VPS36: variants seen among roughly 807,000 people sequenced by gnomAD.
The protein encoded by VPS36 is vacuolar protein-sorting-associated protein 36.
VPS36 carries 31 observed loss-of-function variants against 63.5 expected under a neutral mutation model. The observed-to-expected ratio is 0.49, with a 90% CI of 0.37 to 0.66. VPS36 has a LOEUF of 0.66. Among genes scored for constraint, VPS36 ranks in the 30% least tolerant of loss-of-function variants. VPS36 has a pLI of 0.00. For missense variants in VPS36, 338 were observed against 463.7 expected (o/e 0.73, Z 2.49); for synonymous variants, 138 against 157.2 (o/e 0.88, Z 0.91).
rs546887961 is a variant in VPS36, at chr13:52,415,655, C to T, written c.*175G>A. The T allele has an allele frequency of 1.5e-4, 102 of 661,226 alleles. No individual in the cohort carries two copies. The East Asian group carries it at 2.6e-3, about 17-fold the overall frequency. 41.0% of individuals were successfully genotyped at this position (661,226 alleles called of 1,614,324 possible). A position where few individuals can be genotyped will look rare whatever the true frequency, so the allele number is the denominator to read the frequency against. On this transcript the variant is annotated 3_prime_UTR_variant, in exon 14 of 14. Transcript: ENST00000378060. ...ATTCACTTTTCTGAATTTTCCTATG[C>T]GTATACTAAATAAATTTCCTGGACC... is the stretch of plus-strand genomic sequence containing the variant.
At chr13:52,415,976 CACAA>C (rs747924862) in intron 13 of VPS36, 37 bp downstream of exon 13, 7 of 1,612,578 alleles carry the variant, frequency 4.3e-6, no homozygotes, top group Non-Finnish European at 2.5e-6. Flanking sequence ...CATGCAGACA[CACAA>C]ACATACATTG....
rs1430500318 is a variant in VPS36 at position 52,415,829 on chromosome 13, C to T, written c.*1G>A. ...CAAAAAGGATTTTAAATACAAAACC[C>T]TTAGCTCTGTGTCATAAATAAATTT... On this transcript the variant is annotated 3_prime_UTR_variant, in exon 14 of 14. Coordinates refer to ENST00000378060, the MANE Select transcript of VPS36 (RefSeq NM_016075.4). 1 of 1,613,754 alleles carries T rather than the reference C, an allele frequency of 6.2e-7. No homozygotes were observed. Among genetic ancestry groups the T allele is most frequent in the Non-Finnish European group, 8.5e-7 (1 of 1,179,944 alleles).
At chr13:52,431,141 T>G (rs968358749) in intron 6 of VPS36, among the ~76,000 whole-genome samples, 2 of 151,572 alleles carry the variant, frequency 1.3e-5, no homozygotes, top group African/African-American at 4.8e-5. Context: ...CTTATAAAAC[T>G]AAGAGTCAAT....
At chr13:52,436,477 T>G (rs1186280403) in intron 3 of VPS36, 73 bp from the exon 4 acceptor site, 6 of 1,066,412 alleles carry the variant, frequency 5.6e-6, no homozygotes, top group Non-Finnish European at 5.5e-6. Context: ...TTTATAACTT[T>G]TTATGTATTT....
intron 10 of VPS36, among the ~76,000 whole-genome samples, chr13:52,418,628 AT>A (rs1445856997): frequency 2.0e-5 from 3 of 151,900 alleles, no homozygotes; most frequent in African/African-American, 7.2e-5. Context: ...CATGAAATTA[AT>A]TTTAATGCAT....
At chr13:52,423,046 C>T (rs576590983) in intron 10 of VPS36, among the ~76,000 whole-genome samples, 3 of 152,156 alleles carry the variant, frequency 2.0e-5, no homozygotes, top group African/African-American at 7.2e-5. Flanking sequence ...CCACCATCCA[C>T]GTAAGATGTG....
At chr13:52,448,664 T>C (rs1266389324) in intron 1 of VPS36, among the ~76,000 whole-genome samples, 1 of 152,262 alleles carries the variant, frequency 6.6e-6, no homozygotes, top group Non-Finnish European at 1.5e-5. Flanking sequence ...GCTTCAACAA[T>C]GTATCTTTCA....
At chr13:52,450,436 G>C in intron 1 of VPS36, 63 bp downstream of exon 1, 2 of 1,504,916 alleles carry the variant, frequency 1.3e-6, no homozygotes, top group South Asian at 1.2e-5. Context: ...GCGCTGAGCC[G>C]GGCCGCGCGC....
chr13:52,449,931 C>T, intron 1 of VPS36: 1 of 985,540 alleles, frequency 1.0e-6, no homozygotes. Flanking sequence ...GCACTGATAC[C>T]TCTTTAGGAA....
chr13:52,430,116 T>C (rs1018014418), intron 6 of VPS36, among the ~76,000 whole-genome samples: 123 of 151,472 alleles, frequency 8.1e-4, no homozygotes, highest in Non-Finnish European at 3.4e-4. Context: ...GAATTAAAAA[T>C]AAAAGAAAAA....
chr13:52,416,091 A>T lies in VPS36; in HGVS notation c.993T>A (p.Val331=). Residue 331 remains valine (V), a splice_region_variant and synonymous_variant, in exon 13 of 14, where the codon GTT becomes GTA. Transcript: ENST00000378060. ...EEMVASALET[V]SEKGSLTSEE... Reference sequence around the variant, plus strand: ...CTGATGTTAGGGATCCCTTTTCTGAAACCTAATAGAAACACACAGCAGAAA... The same window carrying T: ...CTGATGTTAGGGATCCCTTTTCTGATACCTAATAGAAACACACAGCAGAAA... 6.2e-7 allele frequency: 1 copy of T among 1,612,414 alleles called. No individual in the cohort carries two copies. Among genetic ancestry groups the T allele is most frequent in the Non-Finnish European group, 8.5e-7 (1 of 1,179,498 alleles).
intron 1 of VPS36, among the ~76,000 whole-genome samples, chr13:52,445,675 C>G (rs1229821992): frequency 3.4e-5 from 4 of 117,084 alleles, no homozygotes; most frequent in Admixed American, 8.9e-5. Flanking sequence ...CAGTGGCTCA[C>G]GCCTGTAATC....
chr13:52,439,488 C>T (rs1307769585), intron 2 of VPS36, among the ~76,000 whole-genome samples: 1 of 152,018 alleles, frequency 6.6e-6, no homozygotes, highest in Non-Finnish European at 1.5e-5. Context: ...CTCTGTCACC[C>T]AGGCTGGAGT....
chr13:52,442,568 G>A, intron 1 of VPS36, 123 bp from the exon 2 acceptor site: 1 of 770,486 alleles, frequency 1.3e-6, no homozygotes, highest in East Asian at 2.9e-5. Context: ...TTTTAGAATA[G>A]GCTTATCACA....
intron 1 of VPS36, among the ~76,000 whole-genome samples, chr13:52,447,900 C>G (rs116146734): frequency 0.012 from 1,781 of 151,988 alleles, 41 homozygotes; most frequent in African/African-American, 0.041. Context: ...GTCTGATCAA[C>G]AGAGATTTAA....
chr13:52,425,823 A>G, intron 9 of VPS36, 109 bp downstream of exon 9: 6 of 1,159,400 alleles, frequency 5.2e-6, no homozygotes, highest in Non-Finnish European at 6.9e-6. Flanking sequence ...AAAACATGTC[A>G]GTTGACAATA....
intron 1 of VPS36, among the ~76,000 whole-genome samples, chr13:52,443,792 T>A (rs1958305601): frequency 6.6e-6 from 1 of 152,202 alleles, no homozygotes; most frequent in African/African-American, 2.4e-5. Flanking sequence ...CCTTACTACT[T>A]GTTATTATGC....
At chr13:52,441,018 T>C (rs916151818) in intron 2 of VPS36, among the ~76,000 whole-genome samples, 1 of 152,216 alleles carries the variant, frequency 6.6e-6, no homozygotes, top group African/African-American at 2.4e-5. Context: ...GAGAATCTAA[T>C]GCGTCTGCTG....
rs1327749767 is a variant in VPS36, at chr13:52,413,554, CCAATCATTTAACCCTGAAAACA to C, written c.*2254_*2275del. On this transcript the variant is annotated 3_prime_UTR_variant, in exon 14 of 14. Coordinates refer to ENST00000378060, the MANE Select transcript of VPS36 (RefSeq NM_016075.4). Reference sequence around the variant, plus strand: ...TAATTTTACTCTATATACATTGATACCAATCATTTAACCCTGAAAACACAGTCTTCACTAACACAATGTAAAA... The same window carrying C: ...TAATTTTACTCTATATACATTGATACCAGTCTTCACTAACACAATGTAAAA... 4.6e-5 allele frequency: 7 copies of C among 151,988 alleles called. No homozygotes were observed. Among genetic ancestry groups the C allele is most frequent in the Non-Finnish European group, 1.0e-4 (7 of 67,996 alleles). The allele number at this position is 151,988 out of a possible 1,614,324, so 9.4% of individuals were successfully genotyped here. A position where few individuals can be genotyped will look rare whatever the true frequency, so the allele number is the denominator to read the frequency against.
Sources: allele counts gnomAD v4.1 joint callset (sites outside exome capture counted in the v4.1 genomes callset), GRCh38; gene constraint gnomAD v4.1.1; transcripts MANE v1.5; gene names NCBI Gene and HGNC (gene_info 2026-07-23, HGNC 2026-07-21).